ERC1: variants seen among roughly 807,000 people sequenced by gnomAD.
ERC1 encodes ELKS/RAB6-interacting/CAST family member 1.
Under a neutral mutation model 132.0 loss-of-function variants are expected in ERC1, and 56 were observed. The ratio of observed to expected loss-of-function variants is 0.42; its 90% CI spans 0.34 to 0.53. The LOEUF (loss-of-function observed/expected upper bound fraction) is 0.53, where lower values mean the gene tolerates loss of function less well. ERC1 is among the 20% of genes least tolerant of loss of function. ERC1 has a pLI of 0.03. For synonymous variants in ERC1, 478 were observed against 476.1 expected (o/e 1.00, Z -0.05); for missense variants, 1,202 against 1,349.9 (o/e 0.89, Z 1.72).
At chr12:1,102,904 G>A (rs1005775930) in intron 3 of ERC1, among the ~76,000 whole-genome samples, 3 of 152,150 alleles carry the variant, frequency 2.0e-5, no homozygotes, top group East Asian at 1.9e-4. Flanking sequence ...AAAATTTCAA[G>A]CCTACACAAA....
Position 1,102,973 on chromosome 12 carries a change from G to A in ERC1, c.1087-1777G>A, listed in dbSNP as rs189044289. On this transcript the variant is annotated intron_variant, in intron 3 of 18. Transcript: ENST00000360905. ...CTCATCACTCAGATACACCAGTTTC[G>A]AAAATTTTGCCACACTTCCTCCATG... is the stretch of plus-strand genomic sequence containing the variant. 7.0e-3 allele frequency among the ~76,000 whole-genome samples: 1,072 copies of A among 152,220 alleles called. 13 individuals are homozygous for A. Among genetic ancestry groups the A allele is most frequent in the Non-Finnish European group, 0.013 (858 of 68,000 alleles).
intron 3 of ERC1, among the ~76,000 whole-genome samples, chr12:1,100,989 C>T (rs1007331106): frequency 1.1e-4 from 16 of 151,916 alleles, no homozygotes; most frequent in African/African-American, 3.9e-4. Flanking sequence ...ACCTTGAAAG[C>T]CAAGGAAAGA....
At position 1,263,109 on chromosome 12, in the gene ERC1, GA is replaced by G; in HGVS notation, c.2564del (p.Glu855GlyfsTer6). On this transcript the variant is annotated frameshift_variant, in exon 14 of 19. Coordinates refer to ENST00000360905, the MANE Select transcript of ERC1 (RefSeq NM_178040.4). LOFTEE classifies it high-confidence loss of function. Reference protein sequence around the residue: ...ALRESVQITAEREMVLAQEES... With the variant: ...ALRESVQITAXREMVLAQEES... ...AAGAGAAAGTGTACAGATAACTGCA[GA>G]GCGGGAAATGGTGCTAGCACAAGAG... 6.2e-7 allele frequency: 1 copy of G among 1,614,086 alleles called. No individual in the cohort carries two copies. Among genetic ancestry groups the G allele is most frequent in the Non-Finnish European group, 8.5e-7 (1 of 1,179,978 alleles).
intron 2 of ERC1, among the ~76,000 whole-genome samples, chr12:1,035,360 C>T (rs1968861076): frequency 1.3e-5 from 2 of 152,182 alleles, no homozygotes; most frequent in African/African-American, 2.4e-5. Flanking sequence ...TGTAAAGACG[C>T]ATTTGCTTAG....
intron 18 of ERC1, among the ~76,000 whole-genome samples, chr12:1,485,879 T>C (rs1220842837): frequency 2.0e-5 from 3 of 152,244 alleles, no homozygotes; most frequent in East Asian, 1.9e-4. Flanking sequence ...TTATAAAAAA[T>C]ATGCTCTTAA....
Position 1,222,948 on chromosome 12 carries a change from A to G in ERC1, c.2352-13821A>G, listed in dbSNP as rs959670650. ...AAGATATTTATTTTTTAGTAATTCC[A>G]TTGTTTTAGAGCTTCAAACAAACTG... On this transcript the variant is annotated intron_variant, in intron 12 of 18. Transcript: ENST00000360905. Among the ~76,000 whole-genome samples the G allele has an allele frequency of 9.2e-5, 14 of 152,294 alleles. No homozygotes were observed. The East Asian group carries it at 9.6e-4, about 10-fold the overall frequency.
At chr12:1,379,675 G>A (rs2088392615) in intron 16 of ERC1, among the ~76,000 whole-genome samples, 1 of 152,180 alleles carries the variant, frequency 6.6e-6, no homozygotes, top group Non-Finnish European at 1.5e-5. Context: ...TTAGCAGGTG[G>A]TTCTGACCCG....
intron 13 of ERC1, among the ~76,000 whole-genome samples, chr12:1,248,281 C>T (rs187836427): frequency 7.9e-5 from 12 of 152,262 alleles, no homozygotes; most frequent in Middle Eastern, 3.4e-3. Context: ...AGTGAAAAGA[C>T]ATGTTCTCCG....
At chr12:1,100,872 G>A (rs1044704860) in intron 3 of ERC1, among the ~76,000 whole-genome samples, 1 of 152,180 alleles carries the variant, frequency 6.6e-6, no homozygotes, top group East Asian at 1.9e-4. Context: ...AAGGGAATGA[G>A]TATAGGTGGA....
At chr12:1,098,729 A>C (rs1944335785) in intron 3 of ERC1, among the ~76,000 whole-genome samples, 1 of 152,250 alleles carries the variant, frequency 6.6e-6, no homozygotes, top group South Asian at 2.1e-4. Context: ...CCAAATGGGC[A>C]GTTGGATGTA....
chr12:1,170,886 T>A (rs1292437233), intron 8 of ERC1, among the ~76,000 whole-genome samples: 1 of 152,234 alleles, frequency 6.6e-6, no homozygotes, highest in East Asian at 1.9e-4. Context: ...TAATTAAATT[T>A]GAACAGTTTT....
At chr12:1,326,719 G>T (rs1054684922) in intron 15 of ERC1, among the ~76,000 whole-genome samples, 1 of 152,156 alleles carries the variant, frequency 6.6e-6, no homozygotes, top group Admixed American at 6.5e-5. Context: ...CCCTGTTTAT[G>T]AATAGTTCAC....
intron 2 of ERC1, among the ~76,000 whole-genome samples, chr12:1,082,175 G>A (rs1942295056): frequency 6.6e-6 from 1 of 151,988 alleles, no homozygotes; most frequent in South Asian, 2.1e-4. Context: ...TTACAGGTTC[G>A]TGCCACCATG....
chr12:1,148,791 G>A (rs1950594674), intron 8 of ERC1, among the ~76,000 whole-genome samples: 1 of 152,030 alleles, frequency 6.6e-6, no homozygotes, highest in East Asian at 1.9e-4. Context: ...TAGTAGAGAC[G>A]GGATTTCGCC....
chr12:1,269,625 T>C (rs1006215766), intron 14 of ERC1, among the ~76,000 whole-genome samples: 3 of 152,078 alleles, frequency 2.0e-5, no homozygotes, highest in Admixed American at 1.3e-4. Context: ...GGGGGTAAGA[T>C]TGAAAGCGGG....
At chr12:1,091,081 G>A (rs930097153) in intron 3 of ERC1, among the ~76,000 whole-genome samples, 2 of 152,104 alleles carry the variant, frequency 1.3e-5, no homozygotes, top group African/African-American at 4.8e-5. Context: ...TAGAGATGGG[G>A]TTTCGCCATG....
intron 2 of ERC1, among the ~76,000 whole-genome samples, chr12:1,035,631 C>T (rs974955531): frequency 2.6e-4 from 40 of 152,038 alleles, no homozygotes; most frequent in Non-Finnish European, 2.5e-4. Flanking sequence ...GCTACTAAGA[C>T]TTTGGATGGG....
At chr12:1,221,342 A>G (rs1958964569) in intron 12 of ERC1, among the ~76,000 whole-genome samples, 1 of 152,242 alleles carries the variant, frequency 6.6e-6, no homozygotes, top group African/African-American at 2.4e-5. Context: ...GGAGTTGTAT[A>G]AAATCGGGTC....
chr12:1,483,623 A>G (rs901888373), intron 18 of ERC1, among the ~76,000 whole-genome samples: 1 of 141,852 alleles, frequency 7.0e-6, no homozygotes, highest in African/African-American at 2.5e-5. Flanking sequence ...GTACAGAAGT[A>G]TGTAAAGTAA....
Sources: allele counts gnomAD v4.1 joint callset (sites outside exome capture counted in the v4.1 genomes callset), GRCh38; gene constraint gnomAD v4.1.1; transcripts MANE v1.5; gene names NCBI Gene and HGNC (gene_info 2026-07-23, HGNC 2026-07-21).